OR4A15: variants seen among roughly 807,000 people sequenced by gnomAD.
OR4A15 encodes the protein olfactory receptor 4A15.
For missense variants in OR4A15, 657 were observed against 374.7 expected (o/e 1.75, Z -6.22); for synonymous variants, 240 against 135.6 (o/e 1.77, Z -5.35).
In OR4A15 at chr11:55,368,658, G is replaced by T; in HGVS notation, c.685G>T (p.Glu229Ter). The T allele has an allele frequency of 6.2e-7, 1 of 1,613,692 alleles. No individual in the cohort carries two copies. The highest frequency in any genetic ancestry group is 8.5e-7 in the Non-Finnish European group (1 of 1,179,878). ...ACACTCTCTTAAGACTCAGAGTTTG[G>T]AAGGGAAACGAAAAGCTTTCTACAC... The change falls in exon 1 of 1, where the codon GAA (glutamate) becomes TAA (stop). Residue 229 changes from glutamate to a stop codon, truncating the protein, a stop_gained. Coordinates refer to ENST00000641526, the Ensembl canonical transcript of OR4A15. LOFTEE classifies it low-confidence loss of function (END_TRUNC).
exon 1 of OR4A15, chr11:55,368,119 C>A (rs767252403): frequency 6.2e-7 from 1 of 1,612,834 alleles, no homozygotes; most frequent in Admixed American, 1.7e-5. Flanking sequence ...ACCATCATGG[C>A]CAGCCAGTCC....
Position 55,368,122 on chromosome 11 carries a change from G to A in OR4A15, c.149G>A (p.Ser50Asn), listed in dbSNP as rs142481232. The change falls in exon 1 of 1, where the codon AGC (serine) becomes AAC (asparagine). Residue 50 changes from serine (S) to asparagine (N), a missense_variant. Physicochemically the swap from Ser to Asn is conservative, Grantham distance 46. Transcript: ENST00000641526. ...CTTATCATAGTGACCATCATGGCCA[G>A]CCAGTCCCTGGGTTCCCCCATGTAC... is the stretch of plus-strand genomic sequence containing the variant. 284 of 1,612,690 alleles carry A rather than the reference G, an allele frequency of 1.8e-4. No homozygotes were observed. Among genetic ancestry groups the A allele is most frequent in the Non-Finnish European group, 2.3e-4 (277 of 1,179,880 alleles).
chr11:55,368,637 T>G (rs1853890408), exon 1 of OR4A15: 2 of 1,613,774 alleles, frequency 1.2e-6, no homozygotes, highest in Non-Finnish European at 1.7e-6. Context: ...CATATTACAC[T>G]CTCTTAAGAC....
chr11:55,368,881 A>T, exon 1 of OR4A15: 4 of 1,608,456 alleles, frequency 2.5e-6, no homozygotes, highest in Non-Finnish European at 3.4e-6. Flanking sequence ...TGGAGTAAAA[A>T]AGTAAGCTTA....
exon 1 of OR4A15, chr11:55,368,626 T>C (rs1246094207): frequency 6.2e-7 from 1 of 1,613,562 alleles, no homozygotes; most frequent in Non-Finnish European, 8.5e-7. Flanking sequence ...TCCTATGGGG[T>C]CATATTACAC....
In OR4A15 at chr11:55,367,985, GA is replaced by G. The variant is rs774632660; in HGVS notation, c.14del (p.Asn5ThrfsTer3). On this transcript the variant is annotated frameshift_variant, in exon 1 of 1. Coordinates refer to ENST00000641526, the Ensembl canonical transcript of OR4A15. LOFTEE classifies it low-confidence loss of function (END_TRUNC). ...CTTCAGAAGAACACATGAAAAATAAGAACAATGTGACTGAATTTATCCTCTT... is the reference window on the plus strand; with the variant it reads ...CTTCAGAAGAACACATGAAAAATAAGACAATGTGACTGAATTTATCCTCTT... The G allele has an allele frequency of 3.7e-6, 6 of 1,613,322 alleles. No homozygotes were observed. The African/African-American group carries it at 6.7e-5, about 18-fold the overall frequency.
chr11:55,368,238 A>T (rs773273839), exon 1 of OR4A15: 2 of 1,613,684 alleles, frequency 1.2e-6, no homozygotes, highest in East Asian at 2.2e-5. Context: ...TGAGAAAAAG[A>T]CCATTTCCTT....
chr11:55,368,914 C>A lies in OR4A15; in HGVS notation c.941C>A (p.Ser314Ter). 1 of 1,577,284 alleles carries A rather than the reference C, an allele frequency of 6.3e-7. No homozygotes were observed. Among genetic ancestry groups the A allele is most frequent in the Admixed American group, 1.8e-5 (1 of 55,464 alleles). ...TTAGCTGGGAAATGGCTGTATCACTCATGAGAATGTGACATTCATTCTTTC... is the reference window on the plus strand; with the variant it reads ...TTAGCTGGGAAATGGCTGTATCACTAATGAGAATGTGACATTCATTCTTTC... The change falls in exon 1 of 1, where the codon TCA becomes TAA. Residue 314 changes from serine (S) to a stop codon, truncating the protein, a stop_gained. Coordinates refer to ENST00000641526, the Ensembl canonical transcript of OR4A15. LOFTEE classifies it high-confidence loss of function.
Position 55,368,297 on chromosome 11 carries a change from T to C in OR4A15, c.324T>C (p.Ala108=), listed in dbSNP as rs758307586. Residue 108 remains alanine (A), a synonymous_variant, in exon 1 of 1, where the codon GCT becomes GCC. Coordinates refer to ENST00000641526, the Ensembl canonical transcript of OR4A15. Reference sequence around the variant, plus strand: ...TTATGGATCATTTATTTGCTGGTGCTGAAGTCATTCTTCTGGTGGTAATGG... The same window carrying C: ...TTATGGATCATTTATTTGCTGGTGCCGAAGTCATTCTTCTGGTGGTAATGG... 89 of 1,613,804 alleles carry C rather than the reference T, an allele frequency of 5.5e-5. No individual in the cohort carries two copies. In the East Asian group the frequency reaches 1.8e-3, roughly 33 times the overall value.
exon 1 of OR4A15, chr11:55,367,985 G>A: frequency 1.2e-6 from 2 of 1,613,322 alleles, no homozygotes; most frequent in Middle Eastern, 1.7e-4. Flanking sequence ...TGAAAAATAA[G>A]AACAATGTGA....
At chr11:55,368,786 A>T in exon 1 of OR4A15, 1 of 1,613,636 alleles carries the variant, frequency 6.2e-7, no homozygotes, top group Non-Finnish European at 8.5e-7. Flanking sequence ...CCATGACTGT[A>T]GTTCTAACTT....
At chr11:55,368,347 G>A (rs1853881956) in exon 1 of OR4A15, 2 of 1,613,034 alleles carry the variant, frequency 1.2e-6, no homozygotes, top group African/African-American at 2.7e-5. Context: ...ATGGCCATCT[G>A]TAAGCCTCTT....
At chr11:55,368,213 T>A (rs61916184) in exon 1 of OR4A15, 86,460 of 1,613,630 alleles carry the variant, frequency 0.054, 2,677 homozygotes, top group Non-Finnish European at 0.061. Context: ...CCAAAATGAT[T>A]GTTGACTTGC....
At position 55,368,033 on chromosome 11, in the gene OR4A15, G is replaced by C. The variant is rs778287590; in HGVS notation, c.60G>C (p.Glu20Asp). Residue 20 changes from glutamate to aspartate, a missense_variant, in exon 1 of 1, where the codon GAG (glutamate) becomes GAC (aspartate). Physicochemically the swap from Glu to Asp is conservative, Grantham distance 45 (BLOSUM62 2). Transcript: ENST00000641526. ...TCTTAGGGCTCACACAGAACCCTGA[G>C]GGGCAAAAGGTTTTATTTGTCACAT... 8 of 1,613,382 alleles carry C rather than the reference G, an allele frequency of 5.0e-6. No homozygotes were observed. In the Admixed American group the frequency reaches 1.3e-4, roughly 27 times the overall value.
At chr11:55,368,069 C>A (rs773891032) in exon 1 of OR4A15, 1 of 1,613,482 alleles carries the variant, frequency 6.2e-7, no homozygotes, top group Non-Finnish European at 8.5e-7. Context: ...TCTTACTAAT[C>A]TACATGGTGA....
exon 1 of OR4A15, chr11:55,368,642 T>G: frequency 6.2e-7 from 1 of 1,613,754 alleles, no homozygotes; most frequent in Non-Finnish European, 8.5e-7. Flanking sequence ...TACACTCTCT[T>G]AAGACTCAGA....
rs1354678010 is a variant in OR4A15 at position 55,368,296 on chromosome 11, C to T, written c.323C>T (p.Ala108Val). The T allele has an allele frequency of 1.9e-6, 3 of 1,613,838 alleles. No homozygotes were observed. Among genetic ancestry groups the T allele is most frequent in the East Asian group, 2.2e-5 (1 of 44,834 alleles). Reference sequence around the variant, plus strand: ...TTTATGGATCATTTATTTGCTGGTGCTGAAGTCATTCTTCTGGTGGTAATG... The same window carrying T: ...TTTATGGATCATTTATTTGCTGGTGTTGAAGTCATTCTTCTGGTGGTAATG... The change falls in exon 1 of 1, where the codon GCT (alanine) becomes GTT (valine). Residue 108 changes from alanine (A) to valine (V), a missense_variant. By Grantham distance (64) the Ala-to-Val change is moderately conservative. Transcript: ENST00000641526.
chr11:55,368,628 A>G (rs150743852), exon 1 of OR4A15: 2 of 1,613,742 alleles, frequency 1.2e-6, no homozygotes, highest in East Asian at 2.2e-5. Flanking sequence ...CTATGGGGTC[A>G]TATTACACTC....
At position 55,368,407 on chromosome 11, in the gene OR4A15, C is replaced by T. The variant is rs374555766; in HGVS notation, c.434C>T (p.Ala145Val). 39 of 1,613,152 alleles carry T rather than the reference C, an allele frequency of 2.4e-5. No homozygotes were observed. In the East Asian group the frequency reaches 4.2e-4, roughly 18 times the overall value. ...CGAGTCTGTGTTCTTATGCTGTTGG[C>T]GGCCTGGATTGGAGGCTTTCTTCAC... Residue 145 changes from alanine (A) to valine (V), a missense_variant, in exon 1 of 1, where the codon GCG becomes GTG. Physicochemically the swap from Ala to Val is moderately conservative, Grantham distance 64. Coordinates refer to ENST00000641526, the Ensembl canonical transcript of OR4A15.
Sources: allele counts gnomAD v4.1 joint callset, GRCh38; gene constraint gnomAD v4.1.1; transcripts MANE v1.5; gene names NCBI Gene and HGNC (gene_info 2026-07-23, HGNC 2026-07-21).